Variants in MYH1 observed in about 807,000 individuals in gnomAD.
MYH1 encodes the protein myosin-1.
A neutral mutation model predicts 225.6 loss-of-function variants in MYH1; 214 were observed. The ratio of observed to expected loss-of-function variants is 0.95; its 90% CI spans 0.85 to 1.06. The LOEUF is 1.06. Ranked by LOEUF, MYH1 falls within the 50% of genes least tolerant of loss-of-function variation. MYH1 has a pLI of 0.00. For synonymous variants in MYH1, 774 were observed against 842.3 expected (o/e 0.92, Z 1.40); for missense variants, 2,098 against 2,344.2 (o/e 0.89, Z 2.17).
intron 29 of MYH1, 75 bp from the exon 30 acceptor site, chr17:10,498,897 C>T: frequency 6.2e-7 from 1 of 1,604,042 alleles, no homozygotes; most frequent in Non-Finnish European, 8.5e-7. Context: ...CTATAGGCCA[C>T]CAGAAGAAAG....
intron 15 of MYH1, among the ~76,000 whole-genome samples, 170 bp from the exon 16 acceptor site, chr17:10,508,842 T>G (rs775950990): frequency 1.1e-4 from 17 of 152,212 alleles, no homozygotes; most frequent in Non-Finnish European, 1.3e-4. Context: ...ATTTATTGGG[T>G]GCTGATCAGG....
At chr17:10,495,893 A>T in intron 35 of MYH1, 57 bp downstream of exon 35, 1 of 1,602,552 alleles carries the variant, frequency 6.2e-7, no homozygotes, top group Non-Finnish European at 8.5e-7. Context: ...CCACGATTTC[A>T]GCAAGAATGT....
chr17:10,514,462 C>T (rs1299253975), intron 6 of MYH1, among the ~76,000 whole-genome samples: 2 of 152,162 alleles, frequency 1.3e-5, no homozygotes, highest in African/African-American at 2.4e-5. Flanking sequence ...TGTGTTTTTC[C>T]ATTTCCTCGG....
At position 10,496,148 on chromosome 17, in the gene MYH1, G is replaced by T; in HGVS notation, c.4971C>A (p.Thr1657=). ...YRNTQAILKD[T]QLHLDDALRS... is the part of the protein sequence containing the mutation. ...GGAGAGCATCATCCAGGTGGAGCTG[G>T]GTATCCTGTGGAACAAACCGTCATT... Residue 1657 remains threonine (T), a synonymous_variant, in exon 35 of 40, where the codon ACC becomes ACA. Coordinates refer to ENST00000226207, the MANE Select transcript of MYH1 (RefSeq NM_005963.4). 1 of 1,614,118 alleles carries T rather than the reference G, an allele frequency of 6.2e-7. No individual in the cohort carries two copies. Among genetic ancestry groups the T allele is most frequent in the Non-Finnish European group, 8.5e-7 (1 of 1,180,034 alleles).
intron 21 of MYH1, 21 bp downstream of exon 21, chr17:10,505,142 G>A: frequency 1.2e-6 from 2 of 1,613,858 alleles, no homozygotes; most frequent in Non-Finnish European, 1.7e-6. Flanking sequence ...ATGAGGTTAA[G>A]TAAAGAATTC....
At position 10,494,372 on chromosome 17, in the gene MYH1, C is replaced by T. The variant is rs1389034621; in HGVS notation, c.5649G>A (p.Lys1883=). ...DKLQAKVKSY[K]RQAEEAEEQS... ...AACTCACCGCTTCTTCAGCTTGTCTCTTGTAGGATTTCACCTTTGCTTGCA... is the reference window on the plus strand; with the variant it reads ...AACTCACCGCTTCTTCAGCTTGTCTTTTGTAGGATTTCACCTTTGCTTGCA... The change falls in exon 39 of 40, where the codon AAG becomes AAA. Residue 1883 remains lysine, a synonymous_variant. Transcript: ENST00000226207. The T allele has an allele frequency of 6.2e-7, 1 of 1,614,192 alleles. No individual in the cohort carries two copies. Among genetic ancestry groups the T allele is most frequent in the Middle Eastern group, 1.6e-4 (1 of 6,062 alleles).
At chr17:10,492,797 C>G (rs1274733203) in intron 39 of MYH1, among the ~76,000 whole-genome samples, 5 of 151,494 alleles carry the variant, frequency 3.3e-5, no homozygotes, top group Non-Finnish European at 7.4e-5. Context: ...ACTTTTAGAA[C>G]AGCAGAACAT....
In MYH1 at chr17:10,505,468, T is replaced by A. The variant is rs919495648; in HGVS notation, c.2218A>T (p.Ile740Phe). The change falls in exon 20 of 40, where the codon ATC becomes TTC. Residue 740 changes from isoleucine (I) to phenylalanine (F), a missense_variant. Ile to Phe is a conservative substitution (Grantham distance 21). Coordinates refer to ENST00000226207, the MANE Select transcript of MYH1 (RefSeq NM_005963.4). ...TTCTCTGAAGCCTTCTTGCTATCGA[T>A]GAATTGTCCTTCAGGGATAGCACTT... is the stretch of plus-strand genomic sequence containing the variant. ...NASAIPEGQF[I>F]DSKKASEKLL... The A allele has an allele frequency of 1.2e-6, 2 of 1,614,082 alleles. No individual in the cohort carries two copies. The highest frequency in any genetic ancestry group is 1.7e-6 in the Non-Finnish European group (2 of 1,180,042).
In MYH1 at chr17:10,505,458, T is replaced by G. The variant is rs1164688059; in HGVS notation, c.2228A>C (p.Lys743Thr). 2 of 1,614,102 alleles carry G rather than the reference T, an allele frequency of 1.2e-6. No homozygotes were observed. Among genetic ancestry groups the G allele is most frequent in the Non-Finnish European group, 1.7e-6 (2 of 1,180,014 alleles). ...AIPEGQFIDS[K>T]KASEKLLGSI... is the part of the protein sequence containing the mutation. ...CCCCAGGAGCTTCTCTGAAGCCTTC[T>G]TGCTATCGATGAATTGTCCTTCAGG... is the stretch of plus-strand genomic sequence containing the variant. Residue 743 changes from lysine to threonine, a missense_variant, in exon 20 of 40, where the codon AAG (lysine) becomes ACG (threonine). Coordinates refer to ENST00000226207, the MANE Select transcript of MYH1 (RefSeq NM_005963.4).
At chr17:10,504,255 C>T (rs913639384) in intron 22 of MYH1, among the ~76,000 whole-genome samples, 2 of 152,210 alleles carry the variant, frequency 1.3e-5, no homozygotes, top group African/African-American at 4.8e-5. Context: ...AACCCTATCT[C>T]TCATACTTTG....
At position 10,516,576 on chromosome 17, in the gene MYH1, C is replaced by T; in HGVS notation, c.67G>A (p.Glu23Lys). The T allele has an allele frequency of 6.2e-7, 1 of 1,614,186 alleles. No individual in the cohort carries two copies. The highest frequency in any genetic ancestry group is 8.5e-7 in the Non-Finnish European group (1 of 1,180,044). ...GGCTTGTTCTGGGCTTCAATTCGCT[C>T]CCTTTCAGACTTTCGGAGGAAAGGA... ...AAPFLRKSER[E>K]RIEAQNKPFD... Residue 23 changes from glutamate (E) to lysine (K), a missense_variant, in exon 3 of 40, where the codon GAG becomes AAG. By Grantham distance (56) the Glu-to-Lys change is moderately conservative (BLOSUM62 1). Coordinates refer to ENST00000226207, the MANE Select transcript of MYH1 (RefSeq NM_005963.4).
rs2073181699 is a variant in MYH1 at position 10,512,524 on chromosome 17, A to C, written c.1031T>G (p.Phe344Cys). ...ATDSAIEILG[F>C]TSDERVSIYK... The stretch of plus-strand genomic sequence containing the variant: ...GATGGACACTCTTTCATCTGAAGTA[A>C]AGCCCAGAATTTCAATGGCACTCTA... Residue 344 changes from phenylalanine (F) to cysteine (C), a missense_variant, in exon 12 of 40, where the codon TTT (phenylalanine) becomes TGT (cysteine). Phe to Cys is a radical substitution (Grantham distance 205, BLOSUM62 -2). Coordinates refer to ENST00000226207, the MANE Select transcript of MYH1 (RefSeq NM_005963.4). The C allele has an allele frequency of 2.5e-6, 4 of 1,614,110 alleles. No individual in the cohort carries two copies. Among genetic ancestry groups the C allele is most frequent in the Non-Finnish European group, 3.4e-6 (4 of 1,179,982 alleles).
chr17:10,492,790 T>C (rs2072948407), intron 39 of MYH1, among the ~76,000 whole-genome samples: 1 of 152,172 alleles, frequency 6.6e-6, no homozygotes, highest in African/African-American at 2.4e-5. Flanking sequence ...TATCTGAACT[T>C]TTAGAACAGC....
At chr17:10,502,595 C>A in intron 24 of MYH1, 143 bp downstream of exon 24, 2 of 1,256,728 alleles carry the variant, frequency 1.6e-6, no homozygotes, top group South Asian at 1.4e-5. Flanking sequence ...ACATCTTAGA[C>A]CTTGTAATAG....
At chr17:10,504,703 A>G in intron 22 of MYH1, 107 bp downstream of exon 22, 1 of 1,291,176 alleles carries the variant, frequency 7.7e-7, no homozygotes, top group Non-Finnish European at 1.1e-6. Flanking sequence ...TGGATTATTA[A>G]AGATTCATAA....
Position 10,514,853 on chromosome 17 carries a change from A to T in MYH1, c.533+15T>A, listed in dbSNP as rs1298109219. The T allele has an allele frequency of 6.2e-7, 1 of 1,604,940 alleles. No homozygotes were observed. The highest frequency in any genetic ancestry group is 1.1e-5 in the South Asian group (1 of 89,936). On this transcript the variant is annotated intron_variant, in intron 6 of 39. Coordinates refer to ENST00000226207, the MANE Select transcript of MYH1 (RefSeq NM_005963.4). ...AGAACAAACTGCCAATAAATCTCAG[A>T]ATAGGAATACATACGTGATCAAGAT...
intron 33 of MYH1, among the ~76,000 whole-genome samples, chr17:10,496,803 A>T (rs1446315221): frequency 6.6e-6 from 1 of 152,068 alleles, no homozygotes; most frequent in Non-Finnish European, 1.5e-5. Flanking sequence ...ATTGAATGTT[A>T]TTGTTGATTT....
chr17:10,515,396 G>A (rs2073215306), intron 5 of MYH1, among the ~76,000 whole-genome samples: 1 of 152,102 alleles, frequency 6.6e-6, no homozygotes, highest in Admixed American at 6.5e-5. Context: ...CTTTCTAAGG[G>A]GGGAAAACAA....
At position 10,501,819 on chromosome 17, in the gene MYH1, T is replaced by A. The variant is rs775416426; in HGVS notation, c.3204A>T (p.Glu1068Asp). 6 of 1,613,696 alleles carry A rather than the reference T, an allele frequency of 3.7e-6. No homozygotes were observed. The Admixed American group carries it at 6.7e-5, about 18-fold the overall frequency. The change falls in exon 25 of 40, where the codon GAA becomes GAT. Residue 1068 changes from glutamate to aspartate, a missense_variant. By Grantham distance (45) the Glu-to-Asp change is conservative (BLOSUM62 2). Coordinates refer to ENST00000226207, the MANE Select transcript of MYH1 (RefSeq NM_005963.4). ...KLEGDLKLAQ[E>D]STMDIENDKQ... ...TGTCATTTTCTATATCCATTGTGGA[T>A]TCTTGAGCCAATTTTAGGTCTCCCT...
Sources: allele counts gnomAD v4.1 joint callset (sites outside exome capture counted in the v4.1 genomes callset), GRCh38; gene constraint gnomAD v4.1.1; transcripts MANE v1.5; gene names NCBI Gene and HGNC (gene_info 2026-07-23, HGNC 2026-07-21).